The following HEXB variants were observed in gnomAD, a reference collection of about 807,000 sequenced individuals.
HEXB encodes beta-hexosaminidase subunit beta.
Under a neutral mutation model 71.2 loss-of-function variants are expected in HEXB, and 51 were observed. The observed-to-expected ratio is 0.72, with a 90% CI of 0.57 to 0.90. HEXB has a LOEUF of 0.90. Ranked by LOEUF, HEXB falls within the 40% of genes least tolerant of loss-of-function variation. The probability of loss-of-function intolerance (pLI) is 0.00; values close to 1 mark genes in which losing one functional copy is unlikely to be tolerated. For synonymous variants in HEXB, 266 were observed against 249.3 expected, an observed-to-expected ratio of 1.07 and a Z score of -0.63; for missense variants, 617 against 677.0, an observed-to-expected ratio of 0.91 and a Z score of 0.98.
chr5:74,716,808 C>A (rs373916497), intron 9 of HEXB, 135 bp downstream of exon 9: 1 of 602,942 alleles, frequency 1.7e-6, no homozygotes, highest in Non-Finnish European at 3.0e-6. Flanking sequence ...GGAGGCAATA[C>A]CCACTGCTTG....
At chr5:74,709,894 T>C (rs1032180431) in intron 6 of HEXB, among the ~76,000 whole-genome samples, 72 of 151,888 alleles carry the variant, frequency 4.7e-4, no homozygotes, top group Admixed American at 1.2e-3. Context: ...CTGAAACTAT[T>C]CCAATCAATA....
intron 1 of HEXB, among the ~76,000 whole-genome samples, chr5:74,687,101 T>C (rs1324851378): frequency 1.3e-5 from 2 of 152,202 alleles, no homozygotes; most frequent in African/African-American, 4.8e-5. Context: ...TTTGCCTAAC[T>C]CATGGCCTCT....
Position 74,661,363 on chromosome 5 carries a change from G to A in HEXB, c.-377+20805G>A, listed in dbSNP as rs534091205. Among the ~76,000 whole-genome samples the A allele has an allele frequency of 1.2e-3, 181 of 152,308 alleles. 1 individual carries two copies. Among genetic ancestry groups the A allele is most frequent in the Middle Eastern group, 3.4e-3 (1 of 294 alleles). On this transcript the variant is annotated intron_variant, in intron 1 of 13. Coordinates refer to the HEXB transcript ENST00000511181. ...GGAGGCAAGCCAGCTGGGGACCCATGTCTTCCTCTATCTTCAGAAATCTTT... is the reference window on the plus strand; with the variant it reads ...GGAGGCAAGCCAGCTGGGGACCCATATCTTCCTCTATCTTCAGAAATCTTT...
chr5:74,697,172 A>G, intron 5 of HEXB, 66 bp downstream of exon 5: 1 of 827,416 alleles, frequency 1.2e-6, no homozygotes, highest in South Asian at 1.4e-5. Flanking sequence ...TTGTAACTTT[A>G]TGTTGGTTAC....
chr5:74,672,734 T>G (rs1748562398), intron 1 of HEXB, among the ~76,000 whole-genome samples: 1 of 152,202 alleles, frequency 6.6e-6, no homozygotes, highest in Non-Finnish European at 1.5e-5. Flanking sequence ...CTTGTTCATA[T>G]CCACACGTCA....
chr5:74,718,696 G>T (rs1472646999), intron 10 of HEXB, 101 bp from the exon 11 acceptor site: 8 of 1,197,616 alleles, frequency 6.7e-6, no homozygotes, highest in African/African-American at 1.5e-5. Context: ...TTTTTTTAAG[G>T]ATCTTAGAAA....
rs1748139916 is a variant in HEXB at position 74,652,620 on chromosome 5, T to C, written c.-377+12062T>C. On this transcript the variant is annotated intron_variant, in intron 1 of 13. Transcript: ENST00000511181. The surrounding 1 kb of genome is among the most constrained non-coding windows in gnomAD (Gnocchi z 5.4). ...CCTAATCTGCTAGTTTGGTGGAAAC[T>C]TCATTTGAGTCATGTAAGGGATTCC... is the stretch of plus-strand genomic sequence containing the variant. Among the ~76,000 whole-genome samples the C allele has an allele frequency of 6.6e-6, 1 of 152,172 alleles. No individual in the cohort carries two copies. Among genetic ancestry groups the C allele is most frequent in the South Asian group, 2.1e-4 (1 of 4,824 alleles).
At chr5:74,642,924 G>A (rs1179036333) in intron 1 of HEXB, among the ~76,000 whole-genome samples, 9 of 152,092 alleles carry the variant, frequency 5.9e-5, no homozygotes. Flanking sequence ...TTCAATAGAA[G>A]AAAGGGAAAA....
At chr5:74,646,990 A>G (rs1052454765) in intron 1 of HEXB, among the ~76,000 whole-genome samples, 1 of 152,272 alleles carries the variant, frequency 6.6e-6, no homozygotes, top group Non-Finnish European at 1.5e-5. Flanking sequence ...TAGCCCTGCC[A>G]AAACACATCA....
At chr5:74,705,673 C>A in intron 6 of HEXB, 3 of 249,040 alleles carry the variant, frequency 1.2e-5, no homozygotes, top group Non-Finnish European at 2.4e-5. Flanking sequence ...GTTTGGAAAT[C>A]CATAAATGAC....
chr5:74,678,751 C>T (rs1580373610), intron 1 of HEXB, among the ~76,000 whole-genome samples: 1 of 151,978 alleles, frequency 6.6e-6, no homozygotes, highest in East Asian at 1.9e-4. Flanking sequence ...CAACATACCA[C>T]ATAAATAAAG....
At chr5:74,692,834 C>T (rs927457540) in intron 2 of HEXB, among the ~76,000 whole-genome samples, 7 of 152,196 alleles carry the variant, frequency 4.6e-5, no homozygotes, top group Non-Finnish European at 8.8e-5. Flanking sequence ...AATCTCTTTA[C>T]CATCTGTGGG....
chr5:74,679,424 G>A (rs115728912), intron 1 of HEXB, among the ~76,000 whole-genome samples: 114 of 152,266 alleles, frequency 7.5e-4, no homozygotes, highest in Non-Finnish European at 1.4e-3. Context: ...GTCCACCTAA[G>A]AGAATTTGTT....
chr5:74,687,680 T>A (rs1486605635), intron 1 of HEXB, among the ~76,000 whole-genome samples: 1 of 152,152 alleles, frequency 6.6e-6, no homozygotes, highest in East Asian at 1.9e-4. Flanking sequence ...ATTTCTTTTT[T>A]AAAAAAATTT....
chr5:74,685,298 T>TGCTGCTGGCGCTGCTGTTGGCGAC lies in HEXB; in HGVS notation c.39_62dup (p.Leu17_Ala24dup). On this transcript the variant is annotated inframe_insertion, in exon 1 of 14. Transcript: ENST00000261416. ...GGGCTGGGGCTGCCCCGGCCGCCCATGCTGCTGGCGCTGCTGTTGGCGACA... is the reference window on the plus strand; with the variant it reads ...GGGCTGGGGCTGCCCCGGCCGCCCATGCTGCTGGCGCTGCTGTTGGCGACGCTGCTGGCGCTGCTGTTGGCGACA... 1 of 1,558,210 alleles carries TGCTGCTGGCGCTGCTGTTGGCGAC rather than the reference T, an allele frequency of 6.4e-7. No homozygotes were observed. Among genetic ancestry groups the TGCTGCTGGCGCTGCTGTTGGCGAC allele is most frequent in the African/African-American group, 1.4e-5 (1 of 73,336 alleles).
In HEXB at chr5:74,718,806, G is replaced by A; in HGVS notation, c.1252G>A (p.Gly418Ser). 6.2e-7 allele frequency: 1 copy of A among 1,614,008 alleles called. No homozygotes were observed. The highest frequency in any genetic ancestry group is 1.1e-5 in the South Asian group (1 of 91,074). ...TTTGTAACGTTAATAGCTTGCGCCG[G>A]GCACAATAGTTGAAGTATGGAAAGA... ...VFDDKAKLAP[G>S]TIVEVWKDSA... Residue 418 changes from glycine to serine, a missense_variant, in exon 11 of 14, where the codon GGC becomes AGC. By Grantham distance (56) the Gly-to-Ser change is moderately conservative (BLOSUM62 0). Coordinates refer to ENST00000261416, the MANE Select transcript of HEXB (RefSeq NM_000521.4).
intron 6 of HEXB, among the ~76,000 whole-genome samples, chr5:74,709,211 G>T (rs1749479402): frequency 6.6e-6 from 1 of 152,188 alleles, no homozygotes; most frequent in African/African-American, 2.4e-5. Flanking sequence ...ATAACGAAAT[G>T]AAGGCAGAAA....
At chr5:74,704,235 C>G (rs1749327073) in intron 5 of HEXB, among the ~76,000 whole-genome samples, 1 of 152,148 alleles carries the variant, frequency 6.6e-6, no homozygotes, top group South Asian at 2.1e-4. Context: ...CTCCTTTTAT[C>G]CTCAATATAT....
chr5:74,664,436 A>T (rs1227237315), intron 1 of HEXB, among the ~76,000 whole-genome samples: 2 of 140,078 alleles, frequency 1.4e-5, no homozygotes, highest in Non-Finnish European at 3.0e-5. Context: ...TCTCTAAAAA[A>T]AAAAAAAAAA....
Sources: gnomAD v4.1 joint callset for allele counts (sites outside exome capture counted in the v4.1 genomes callset) on GRCh38, gnomAD v4.1.1 for gene constraint, Gnocchi (gnomAD v3.1) non-coding constraint, MANE v1.5 for transcripts, NCBI Gene and HGNC (gene_info 2026-07-23, HGNC 2026-07-21) for gene names.